RAB30: variants seen among roughly 807,000 people sequenced by gnomAD.
RAB30 encodes ras-related protein Rab-30.
A neutral mutation model predicts 25.1 loss-of-function variants in RAB30; 9 were observed. The ratio of observed to expected loss-of-function variants is 0.36; its 90% CI spans 0.22 to 0.63. The LOEUF (loss-of-function observed/expected upper bound fraction) is 0.63. RAB30 is among the 20% of genes least tolerant of loss of function. RAB30 has a pLI of 0.69. For synonymous variants in RAB30, 77 were observed against 86.4 expected, an observed-to-expected ratio of 0.89 and a Z score of 0.60; for missense variants, 140 against 243.5, an observed-to-expected ratio of 0.58 and a Z score of 2.83.
chr11:82,987,572 T>A lies in RAB30; in HGVS notation c.361+15A>T. ...GCCCACAAATCAATTTCCCTCCTCG[T>A]TAGCCCTTACTTACCCACTAACACA... On this transcript the variant is annotated intron_variant, in intron 4 of 4. Transcript: ENST00000527633. 1 of 1,591,572 alleles carries A rather than the reference T, an allele frequency of 6.3e-7. No individual in the cohort carries two copies. Among genetic ancestry groups the A allele is most frequent in the Non-Finnish European group, 8.6e-7 (1 of 1,165,274 alleles).
At chr11:83,033,614 GTT>G (rs1397411119) in intron 1 of RAB30, among the ~76,000 whole-genome samples, 1 of 152,182 alleles carries the variant, frequency 6.6e-6, no homozygotes, top group African/African-American at 2.4e-5. Flanking sequence ...CATAAGGCAA[GTT>G]AATAACAGAG....
chr11:83,040,074 G>C (rs954073698), intron 1 of RAB30, among the ~76,000 whole-genome samples: 3 of 152,216 alleles, frequency 2.0e-5, no homozygotes, highest in African/African-American at 7.2e-5. Context: ...GTTGAAGACA[G>C]AAGATACATG....
chr11:83,047,995 A>T (rs1162722052), intron 1 of RAB30, among the ~76,000 whole-genome samples: 1 of 152,150 alleles, frequency 6.6e-6, no homozygotes, highest in Non-Finnish European at 1.5e-5. Flanking sequence ...CATACCTGTA[A>T]TCCCAACACT....
chr11:82,993,261 T>C (rs898216691), intron 3 of RAB30, among the ~76,000 whole-genome samples: 5 of 152,182 alleles, frequency 3.3e-5, no homozygotes, highest in African/African-American at 1.2e-4. Flanking sequence ...GGTGTACTGG[T>C]TGGTGAAATG....
chr11:83,034,765 T>C (rs1456457905), intron 1 of RAB30: 1 of 151,966 alleles, frequency 6.6e-6, no homozygotes, highest in Non-Finnish European at 1.5e-5. Context: ...ATCCTCACTG[T>C]GAGATGGGAA....
rs147697268 is a variant in RAB30, at chr11:83,014,693, A to G, written c.-8-17369T>C. Among the ~76,000 whole-genome samples the G allele has an allele frequency of 3.7e-3, 530 of 143,964 alleles. 7 individuals carry two copies. The highest frequency in any genetic ancestry group is 0.014 in the African/African-American group (515 of 37,040). The allele number at this position is 143,964 out of a possible 152,430, so 94.4% of individuals were successfully genotyped here. On this transcript the variant is annotated intron_variant, in intron 1 of 4. Coordinates refer to ENST00000527633, the MANE Select transcript of RAB30 (RefSeq NM_001286060.2). The stretch of plus-strand genomic sequence containing the variant: ...AAGAAAGAAAGAAAGAAAGAAAGAA[A>G]GAGAAAGGAAGGAAGGAAGGATGGA...
At chr11:83,049,071 C>T (rs1323225394) in intron 1 of RAB30, among the ~76,000 whole-genome samples, 2 of 152,186 alleles carry the variant, frequency 1.3e-5, no homozygotes, top group Non-Finnish European at 2.9e-5. Flanking sequence ...AGTCTGATAT[C>T]GCCTTGTTTT....
intron 1 of RAB30, among the ~76,000 whole-genome samples, chr11:83,017,124 A>G (rs968277416): frequency 6.6e-6 from 1 of 152,190 alleles, no homozygotes; most frequent in Non-Finnish European, 1.5e-5. Context: ...AGATTACTTC[A>G]GCCTAGGAGT....
intron 3 of RAB30, among the ~76,000 whole-genome samples, chr11:82,993,227 G>C (rs531374942): frequency 6.6e-6 from 1 of 152,300 alleles, no homozygotes; most frequent in South Asian, 2.1e-4. Context: ...TTTCATGGCA[G>C]AGGAGACCCC....
At chr11:82,986,666 C>T (rs1856743828) in intron 4 of RAB30, among the ~76,000 whole-genome samples, 1 of 152,212 alleles carries the variant, frequency 6.6e-6, no homozygotes, top group Non-Finnish European at 1.5e-5. Flanking sequence ...AACTACAGGG[C>T]TTGGAGTTGA....
chr11:83,014,651 AAAG>A (rs1321304128), intron 1 of RAB30, among the ~76,000 whole-genome samples: 2 of 133,770 alleles, frequency 1.5e-5, no homozygotes, highest in African/African-American at 3.0e-5. Context: ...AGAAAGAAAG[AAAG>A]AAAGAAAGAA....
intron 1 of RAB30, among the ~76,000 whole-genome samples, chr11:83,070,080 C>A (rs1374008776): frequency 9.6e-6 from 1 of 103,810 alleles, no homozygotes; most frequent in African/African-American, 3.8e-5. Context: ...ATGTAAACTG[C>A]AAATGGAGAG....
At chr11:83,071,037 A>G (rs1214998104) in intron 1 of RAB30, among the ~76,000 whole-genome samples, 1 of 152,234 alleles carries the variant, frequency 6.6e-6, no homozygotes, top group African/African-American at 2.4e-5. Flanking sequence ...GAAAACATTT[A>G]ACAAAAACGC....
chr11:83,049,193 T>C (rs1858298563), intron 1 of RAB30, among the ~76,000 whole-genome samples: 1 of 152,006 alleles, frequency 6.6e-6, no homozygotes. Context: ...AGGCGGATCA[T>C]GAGGTCAAGA....
At chr11:83,070,140 TG>T (rs1225639225) in intron 1 of RAB30, among the ~76,000 whole-genome samples, 1 of 133,946 alleles carries the variant, frequency 7.5e-6, no homozygotes, top group East Asian at 2.3e-4. Flanking sequence ...TGGGGTGGGG[TG>T]GGGGGAAGAA....
chr11:83,029,824 A>C (rs533101606), intron 1 of RAB30, among the ~76,000 whole-genome samples: 10 of 152,336 alleles, frequency 6.6e-5, no homozygotes, highest in African/African-American at 2.2e-4. Context: ...GATAAAGAAA[A>C]TGTGGTATAT....
intron 1 of RAB30, among the ~76,000 whole-genome samples, chr11:83,047,938 T>C (rs1325405209): frequency 6.6e-6 from 1 of 152,182 alleles, no homozygotes; most frequent in African/African-American, 2.4e-5. Context: ...GATTCTGCCT[T>C]TTCTCCTTTC....
At chr11:83,025,644 G>T (rs533163676) in intron 1 of RAB30, among the ~76,000 whole-genome samples, 1 of 152,306 alleles carries the variant, frequency 6.6e-6, no homozygotes, top group Admixed American at 6.5e-5. Context: ...ACGTATAGCT[G>T]TTACTTCACA....
chr11:83,008,996 T>C (rs1021535011), intron 1 of RAB30, among the ~76,000 whole-genome samples: 3 of 151,960 alleles, frequency 2.0e-5, no homozygotes, highest in African/African-American at 7.3e-5. Flanking sequence ...TTAGACTCCA[T>C]CACATAACAA....
Sources: gnomAD v4.1 joint callset for allele counts (sites outside exome capture counted in the v4.1 genomes callset) on GRCh38, gnomAD v4.1.1 for gene constraint, MANE v1.5 for transcripts, NCBI Gene and HGNC (gene_info 2026-07-23, HGNC 2026-07-21) for gene names.